DOCK6: variants seen among roughly 807,000 people sequenced by gnomAD.
DOCK6 encodes the protein dedicator of cytokinesis protein 6.
DOCK6 carries 167 observed loss-of-function variants against 230.3 expected under a neutral mutation model. That is an observed-to-expected ratio of 0.73 (90% CI 0.64 to 0.82). The LOEUF is 0.82. Ranked by LOEUF, DOCK6 falls within the 40% of genes least tolerant of loss-of-function variation. DOCK6 has a pLI of 0.00. For synonymous variants in DOCK6, 1,148 were observed against 1,185.0 expected (o/e 0.97, Z 0.64); for missense variants, 2,598 against 2,825.8 (o/e 0.92, Z 1.83).
Position 11,199,340 on chromosome 19 carries a change from G to A in DOCK6, c.*157C>T, listed in dbSNP as rs1183796892. ...AAATTAAAAAAGGGAGGAAGCATCA[G>A]TGCACACAGATGGGGACACAGGGGC... On this transcript the variant is annotated 3_prime_UTR_variant, in exon 48 of 48. Transcript: ENST00000294618. 1.1e-6 allele frequency: 1 copy of A among 869,736 alleles called. No homozygotes were observed. Among genetic ancestry groups the A allele is most frequent in the East Asian group, 2.7e-5 (1 of 37,392 alleles). 53.9% of individuals were successfully genotyped at this position (869,736 alleles called of 1,614,324 possible).
intron 39 of DOCK6, among the ~76,000 whole-genome samples, chr19:11,205,280 C>T (rs143616366): frequency 1.3e-5 from 2 of 152,230 alleles, no homozygotes; most frequent in African/African-American, 4.8e-5. Context: ...TAGGTATACA[C>T]GTGCCATGGT....
At chr19:11,204,444 C>T in intron 39 of DOCK6, 113 bp from the exon 40 acceptor site, 1 of 1,445,074 alleles carries the variant, frequency 6.9e-7, no homozygotes, top group Admixed American at 2.3e-5. Flanking sequence ...TCCATCACCT[C>T]CTCCAGGAAG....
Position 11,228,922 on chromosome 19 carries a change from G to C in DOCK6, c.2814+18C>G, listed in dbSNP as rs769726177. 1.2e-6 allele frequency: 2 copies of C among 1,612,158 alleles called. No individual in the cohort carries two copies. The highest frequency in any genetic ancestry group is 2.7e-5 in the African/African-American group (2 of 74,796). On this transcript the variant is annotated intron_variant, in intron 23 of 47. Coordinates refer to ENST00000294618, the MANE Select transcript of DOCK6 (RefSeq NM_020812.4). Reference sequence around the variant, plus strand: ...ACTGGGGGTCTCTTGCCACCAGGCAGGGAGGAGGGGGTCTCACCATGAGCT... The same window carrying C: ...ACTGGGGGTCTCTTGCCACCAGGCACGGAGGAGGGGGTCTCACCATGAGCT...
chr19:11,253,398 G>A (rs183721866), intron 2 of DOCK6, among the ~76,000 whole-genome samples: 171 of 152,200 alleles, frequency 1.1e-3, no homozygotes, highest in African/African-American at 4.0e-3. Context: ...CATCAGGAGG[G>A]AGCCACTCCC....
intron 21 of DOCK6, among the ~76,000 whole-genome samples, chr19:11,234,739 G>A (rs968529453): frequency 3.3e-5 from 5 of 152,144 alleles, no homozygotes; most frequent in Admixed American, 2.0e-4. Flanking sequence ...TTCAGTCTCC[G>A]CTCCAAGCTA....
chr19:11,239,574 G>C, intron 14 of DOCK6: 1 of 1,586,952 alleles, frequency 6.3e-7, no homozygotes, highest in Non-Finnish European at 8.6e-7. Flanking sequence ...CTGGGGATCA[G>C]TGGGGGTATG....
intron 18 of DOCK6, 119 bp downstream of exon 18, chr19:11,237,337 G>C (rs1376630119): frequency 1.4e-5 from 15 of 1,040,980 alleles, no homozygotes; most frequent in Non-Finnish European, 1.9e-5. Flanking sequence ...CTACACGGGG[G>C]CCCTGGAGGC....
In DOCK6 at chr19:11,245,889, A is replaced by G. The variant is rs932143932; in HGVS notation, c.807-11T>C. 1 of 1,556,662 alleles carries G rather than the reference A, an allele frequency of 6.4e-7. No homozygotes were observed. The highest frequency in any genetic ancestry group is 8.7e-7 in the Non-Finnish European group (1 of 1,149,724). ...ATTTCAATCTCGAACCTACAAGTAA[A>G]TGGGAGGGAGGGGGCTCTCCTTAAC... On this transcript the variant is annotated splice_polypyrimidine_tract_variant and intron_variant, in intron 7 of 47. Coordinates refer to ENST00000294618, the MANE Select transcript of DOCK6 (RefSeq NM_020812.4).
At chr19:11,232,672 A>G (rs2079785471) in intron 22 of DOCK6, among the ~76,000 whole-genome samples, 3 of 152,108 alleles carry the variant, frequency 2.0e-5, no homozygotes, top group Admixed American at 1.3e-4. Flanking sequence ...CTGTATATGC[A>G]TGGGGTGAAT....
intron 30 of DOCK6, among the ~76,000 whole-genome samples, chr19:11,216,467 G>A (rs1370817032): frequency 6.6e-6 from 1 of 151,494 alleles, no homozygotes; most frequent in Non-Finnish European, 1.5e-5. Flanking sequence ...GTGTGCAGTG[G>A]CACAATCTCA....
chr19:11,237,079 G>A, intron 18 of DOCK6, 200 bp from the exon 19 acceptor site: 1 of 603,208 alleles, frequency 1.7e-6, no homozygotes, highest in East Asian at 2.8e-5. Flanking sequence ...CCAAGACGGG[G>A]GCAGAGAATG....
chr19:11,239,560 TTGAC>T, intron 14 of DOCK6: 1 of 1,559,538 alleles, frequency 6.4e-7, no homozygotes, highest in Non-Finnish European at 8.7e-7. Flanking sequence ...CAGTTAACGA[TTGAC>T]TGGGGATCAG....
At chr19:11,249,156 G>T (rs2147868488) in intron 6 of DOCK6, among the ~76,000 whole-genome samples, 1 of 152,272 alleles carries the variant, frequency 6.6e-6, no homozygotes, top group Non-Finnish European at 1.5e-5. Flanking sequence ...TTCATGTATT[G>T]AATAAATATA....
At chr19:11,248,289 C>T (rs183030501) in intron 6 of DOCK6, 138 bp from the exon 7 acceptor site, 122 of 636,742 alleles carry the variant, frequency 1.9e-4, no homozygotes, top group African/African-American at 8.5e-4. Flanking sequence ...AGCCTTTACA[C>T]GTGCTGTTCC....
chr19:11,222,074 CA>C lies in DOCK6; in HGVS notation c.3380+34del. ...GGTGGACATGGCTCCTGGACTGTCC[CA>C]CCTGTCCTGGGGCTAGACAGGAGCT... On this transcript the variant is annotated intron_variant, in intron 27 of 47. Coordinates refer to ENST00000294618, the MANE Select transcript of DOCK6 (RefSeq NM_020812.4). This position sits in a 1 kb window ranked among gnomAD's most constrained non-coding sequence, Gnocchi z 4.0. The C allele has an allele frequency of 6.2e-7, 1 of 1,608,272 alleles. No individual in the cohort carries two copies. The highest frequency in any genetic ancestry group is 2.2e-5 in the East Asian group (1 of 44,698).
At position 11,227,436 on chromosome 19, in the gene DOCK6, T is replaced by TA. The variant is rs1451065000; in HGVS notation, c.2855dup (p.Asp953ArgfsTer51). 6.2e-7 allele frequency: 1 copy of TA among 1,609,900 alleles called. No homozygotes were observed. The highest frequency in any genetic ancestry group is 1.3e-5 in the African/African-American group (1 of 74,814). Reference sequence around the variant, plus strand: ...GGAAGCGCAGCTTGCGGGGTGTGTCTAGTCGCTGGCCAAGCAGCAGGTGCA... The same window carrying TA: ...GGAAGCGCAGCTTGCGGGGTGTGTCTAAGTCGCTGGCCAAGCAGCAGGTGCA... On this transcript the variant is annotated frameshift_variant, in exon 24 of 48. Transcript: ENST00000294618. LOFTEE classifies it high-confidence loss of function.
In DOCK6 at chr19:11,223,839, G is replaced by T. The variant is rs556952497; in HGVS notation, c.2956-733C>A. ...TTTTTTTATTTTTAGTAGAGATGGG[G>T]TTTTGCCATATTGGTCAGGCTGGTC... On this transcript the variant is annotated intron_variant, in intron 24 of 47. Coordinates refer to ENST00000294618, the MANE Select transcript of DOCK6 (RefSeq NM_020812.4). Among the ~76,000 whole-genome samples the T allele has an allele frequency of 2.4e-4, 36 of 152,180 alleles. No homozygotes were observed. The South Asian group carries it at 7.5e-3, about 32-fold the overall frequency.
chr19:11,210,366 T>C (rs959052354), intron 37 of DOCK6, among the ~76,000 whole-genome samples: 9 of 143,714 alleles, frequency 6.3e-5, no homozygotes, highest in Middle Eastern at 4.3e-3. Context: ...ACCTCCTCAC[T>C]TGTTCATCTT....
chr19:11,243,510 C>T lies in DOCK6; in HGVS notation c.1258+47G>A, dbSNP rs755271864. ...CGTAGCCCCGCCCCAGGCCTGTCAGCACCACCCTTTAGCCCCGCCCCAAGC... is the reference window on the plus strand; with the variant it reads ...CGTAGCCCCGCCCCAGGCCTGTCAGTACCACCCTTTAGCCCCGCCCCAAGC... On this transcript the variant is annotated intron_variant, in intron 11 of 47. Transcript: ENST00000294618. The surrounding 1 kb of genome is among the most constrained non-coding windows in gnomAD (Gnocchi z 6.3). The T allele has an allele frequency of 1.3e-6, 2 of 1,555,874 alleles. No individual in the cohort carries two copies. Among genetic ancestry groups the T allele is most frequent in the African/African-American group, 2.7e-5 (2 of 73,342 alleles).
Sources: gnomAD v4.1 joint callset for allele counts (sites outside exome capture counted in the v4.1 genomes callset) on GRCh38, gnomAD v4.1.1 for gene constraint, Gnocchi (gnomAD v3.1) non-coding constraint, MANE v1.5 for transcripts, NCBI Gene and HGNC (gene_info 2026-07-23, HGNC 2026-07-21) for gene names.